FOXP1: variants seen among roughly 807,000 people sequenced by gnomAD.
The protein encoded by FOXP1 is forkhead box P1.
Under a neutral mutation model 98.2 loss-of-function variants are expected in FOXP1, and 15 were observed. That is an observed-to-expected ratio of 0.15 (90% CI 0.10 to 0.24). The LOEUF (loss-of-function observed/expected upper bound fraction) is 0.24. Among genes scored for constraint, FOXP1 ranks in the 10% least tolerant of loss-of-function variants. The pLI is 1.00. For missense variants in FOXP1, 633 were observed against 848.5 expected, an observed-to-expected ratio of 0.75 and a Z score of 3.15; for synonymous variants, 371 against 314.5, an observed-to-expected ratio of 1.18 and a Z score of -1.90.
chr3:71,285,956 A>G (rs2072075258), intron 5 of FOXP1, among the ~76,000 whole-genome samples: 1 of 152,206 alleles, frequency 6.6e-6, no homozygotes, highest in Admixed American at 6.5e-5. Context: ...ACTTCACAAT[A>G]GGGATAGGTT....
intron 2 of FOXP1, among the ~76,000 whole-genome samples, chr3:71,576,754 G>A (rs1001655816): frequency 6.6e-6 from 1 of 152,058 alleles, no homozygotes; most frequent in Non-Finnish European, 1.5e-5. Flanking sequence ...GCACTAAACT[G>A]AGCCCCCCTC....
At chr3:71,155,199 A>C (rs1422711562) in intron 6 of FOXP1, among the ~76,000 whole-genome samples, 1 of 152,180 alleles carries the variant, frequency 6.6e-6, no homozygotes, top group Non-Finnish European at 1.5e-5. Context: ...TTTTAAAGGT[A>C]ACCAGGGAAC....
chr3:71,224,552 G>A (rs2065677325), intron 5 of FOXP1, among the ~76,000 whole-genome samples: 1 of 152,192 alleles, frequency 6.6e-6, no homozygotes, highest in Admixed American at 6.5e-5. Context: ...TCAAACGGAG[G>A]ACTGGAAGTG....
At chr3:71,582,210 C>A (rs1175714286) in intron 1 of FOXP1, 1 of 977,380 alleles carries the variant, frequency 1.0e-6, no homozygotes, top group East Asian at 1.2e-4. Flanking sequence ...GAGCTCACAA[C>A]AGGTGGGGAG....
chr3:71,019,252 G>A (rs1005368835), intron 11 of FOXP1, among the ~76,000 whole-genome samples: 1 of 152,142 alleles, frequency 6.6e-6, no homozygotes, highest in African/African-American at 2.4e-5. Flanking sequence ...GATGATTTGG[G>A]CATCTGATGG....
At chr3:71,164,744 G>T (rs1437819975) in intron 6 of FOXP1, among the ~76,000 whole-genome samples, 1 of 152,096 alleles carries the variant, frequency 6.6e-6, no homozygotes, top group South Asian at 2.1e-4. Flanking sequence ...TAAATCTATT[G>T]ACCATTTTTT....
At chr3:71,472,776 A>G (rs1193632678) in intron 3 of FOXP1, among the ~76,000 whole-genome samples, 1 of 152,238 alleles carries the variant, frequency 6.6e-6, no homozygotes, top group Non-Finnish European at 1.5e-5. Flanking sequence ...CAAAGTGAGA[A>G]CAGAGAAAAC....
intron 13 of FOXP1, among the ~76,000 whole-genome samples, chr3:70,993,346 G>C (rs757589564): frequency 6.6e-6 from 1 of 152,156 alleles, no homozygotes; most frequent in Non-Finnish European, 1.5e-5. Flanking sequence ...CCCCAAAGCC[G>C]GGTTTTAAAA....
intron 5 of FOXP1, among the ~76,000 whole-genome samples, chr3:71,246,334 A>G (rs1400183471): frequency 1.3e-5 from 2 of 152,150 alleles, no homozygotes; most frequent in Admixed American, 6.5e-5. Flanking sequence ...CCAGGCATCG[A>G]GGCAAAACAT....
intron 10 of FOXP1, among the ~76,000 whole-genome samples, chr3:71,042,626 GTTCA>G (rs2048502010): frequency 6.6e-6 from 1 of 152,168 alleles, no homozygotes; most frequent in Non-Finnish European, 1.5e-5. Context: ...CTGGATTGCA[GTTCA>G]TTGTTTCAAT....
At chr3:71,515,569 A>G (rs1295513531) in intron 2 of FOXP1, among the ~76,000 whole-genome samples, 1 of 152,076 alleles carries the variant, frequency 6.6e-6, no homozygotes, top group Non-Finnish European at 1.5e-5. Context: ...GGTCATCAAA[A>G]TGCCTTTGCC....
intron 2 of FOXP1, among the ~76,000 whole-genome samples, chr3:71,495,600 T>C (rs992318730): frequency 2.0e-5 from 3 of 152,222 alleles, no homozygotes; most frequent in Non-Finnish European, 4.4e-5. Flanking sequence ...TCTTTTATAA[T>C]CATTATTTCA....
intron 3 of FOXP1, among the ~76,000 whole-genome samples, chr3:71,422,654 G>A (rs1368132670): frequency 1.3e-5 from 2 of 152,128 alleles, no homozygotes; most frequent in African/African-American, 2.4e-5. Flanking sequence ...AAGAATAATC[G>A]CCCAAGCTGC....
chr3:71,222,482 G>A lies in FOXP1; in HGVS notation c.-11-24090C>T, dbSNP rs575958957. Among the ~76,000 whole-genome samples, 153 of 152,074 alleles carry A rather than the reference G, an allele frequency of 1.0e-3. 1 individual carries two copies. The highest frequency in any genetic ancestry group is 3.4e-3 in the African/African-American group (142 of 41,510). ...CGCCCAGGCTGGAGTGCAGTGGCGC[G>A]ATCTCAGCTCACTGCAACCTCTGCC... On this transcript the variant is annotated intron_variant, in intron 5 of 20. Coordinates refer to ENST00000649528, the MANE Select transcript of FOXP1 (RefSeq NM_001349338.3).
At chr3:71,092,327 G>A (rs1429227623) in intron 7 of FOXP1, among the ~76,000 whole-genome samples, 2 of 152,130 alleles carry the variant, frequency 1.3e-5, no homozygotes, top group Non-Finnish European at 2.9e-5. Context: ...CAGTGAGCAA[G>A]ATGGCATCAC....
chr3:71,486,710 A>G (rs1444148293), intron 3 of FOXP1, among the ~76,000 whole-genome samples: 1 of 152,216 alleles, frequency 6.6e-6, no homozygotes, highest in African/African-American at 2.4e-5. Context: ...GGCAATTCTC[A>G]ACAGGCAGCT....
chr3:71,073,278 C>G (rs2053467603), intron 7 of FOXP1, among the ~76,000 whole-genome samples: 1 of 152,192 alleles, frequency 6.6e-6, no homozygotes, highest in Admixed American at 6.5e-5. Flanking sequence ...ATCCGTTCAC[C>G]CATCCCACTG....
At chr3:71,116,792 A>T (rs2107785429) in intron 6 of FOXP1, among the ~76,000 whole-genome samples, 1 of 152,382 alleles carries the variant, frequency 6.6e-6, no homozygotes, top group Non-Finnish European at 1.5e-5. Flanking sequence ...AAATTGTCAC[A>T]TGCAAGGAGA....
intron 3 of FOXP1, among the ~76,000 whole-genome samples, chr3:71,479,709 GA>G (rs1011363367): frequency 2.7e-5 from 4 of 145,838 alleles, no homozygotes; most frequent in East Asian, 2.0e-4. Flanking sequence ...GAAAAGAAAA[GA>G]AAAAAAAAGA....
Sources: allele counts gnomAD v4.1 joint callset (sites outside exome capture counted in the v4.1 genomes callset), GRCh38; gene constraint gnomAD v4.1.1; transcripts MANE v1.5; gene names NCBI Gene and HGNC (gene_info 2026-07-23, HGNC 2026-07-21).